The following GUCY1A2 variants were observed in gnomAD, a reference collection of about 807,000 sequenced individuals.
GUCY1A2 encodes the protein guanylate cyclase soluble subunit alpha-2.
A neutral mutation model predicts 63.5 loss-of-function variants in GUCY1A2; 27 were observed. The ratio of observed to expected loss-of-function variants is 0.43; its 90% CI spans 0.31 to 0.59. The LOEUF is 0.59. Ranked by LOEUF, GUCY1A2 falls within the 20% of genes least tolerant of loss-of-function variation. The probability of loss-of-function intolerance (pLI) is 0.11; values close to 1 mark genes in which losing one functional copy is unlikely to be tolerated. For missense variants in GUCY1A2, 768 were observed against 913.3 expected, an observed-to-expected ratio of 0.84 and a Z score of 2.05; for synonymous variants, 364 against 343.5, an observed-to-expected ratio of 1.06 and a Z score of -0.66.
intron 7 of GUCY1A2, among the ~76,000 whole-genome samples, chr11:106,689,907 A>G (rs575211636): frequency 9.2e-5 from 14 of 151,994 alleles, no homozygotes; most frequent in Non-Finnish European, 1.9e-4. Context: ...AGGCAGGAGA[A>G]TCACTTGAAC....
chr11:106,986,129 A>C lies in GUCY1A2; in HGVS notation c.306T>G (p.Pro102=). 1 of 1,412,214 alleles carries C rather than the reference A, an allele frequency of 7.1e-7. No individual in the cohort carries two copies. The highest frequency in any genetic ancestry group is 1.0e-6 in the Non-Finnish European group (1 of 995,970). 87.5% of individuals were successfully genotyped at this position (1,412,214 alleles called of 1,614,324 possible). Residue 102 remains proline (P), a splice_region_variant and synonymous_variant, in exon 2 of 8, where the codon CCT becomes CCG. Transcript: ENST00000526355. ...ESISRLTAPS[P]QTIQQTLKRT... The stretch of plus-strand genomic sequence containing the variant: ...TCTTGAGAGTCTGCTGTATCGTCTG[A>C]GGCTACAGAATAATAATAATAATAA...
At chr11:106,793,359 A>G (rs1864696533) in intron 5 of GUCY1A2, among the ~76,000 whole-genome samples, 1 of 152,156 alleles carries the variant, frequency 6.6e-6, no homozygotes, top group Non-Finnish European at 1.5e-5. Flanking sequence ...TCAAAATGGA[A>G]TAAAGACACA....
In GUCY1A2 at chr11:106,715,348, CAA is replaced by C. The variant is rs1300140286; in HGVS notation, c.1837-6684_1837-6683del. Among the ~76,000 whole-genome samples, 4 of 152,090 alleles carry C rather than the reference CAA, an allele frequency of 2.6e-5. No homozygotes were observed. The East Asian group carries it at 7.7e-4, about 29-fold the overall frequency. ...CCTTTAGTCCAGCTCCCTCATTTTA[CAA>C]ATAGACTGAAGCTCAAAAGAGCACA... On this transcript the variant is annotated intron_variant, in intron 6 of 7. Coordinates refer to ENST00000526355, the MANE Select transcript of GUCY1A2 (RefSeq NM_000855.3).
At chr11:106,830,892 T>G (rs747548735) in intron 4 of GUCY1A2, among the ~76,000 whole-genome samples, 2 of 152,176 alleles carry the variant, frequency 1.3e-5, no homozygotes, top group Non-Finnish European at 1.5e-5. Context: ...ATTATTATTG[T>G]TGTTATTAAG....
At chr11:106,789,071 C>T (rs1864614493) in intron 5 of GUCY1A2, among the ~76,000 whole-genome samples, 1 of 152,102 alleles carries the variant, frequency 6.6e-6, no homozygotes, top group Non-Finnish European at 1.5e-5. Context: ...TTCTTCAAAA[C>T]ATGAAATATA....
At chr11:106,940,307 A>G (rs1860736236) in intron 3 of GUCY1A2, 129 bp from the exon 4 acceptor site, 1 of 555,318 alleles carries the variant, frequency 1.8e-6, no homozygotes, top group Non-Finnish European at 3.2e-6. Context: ...TAGATCCACA[A>G]ATTTCCACAT....
intron 1 of GUCY1A2, among the ~76,000 whole-genome samples, chr11:107,008,278 CAAAAAAAAA>C (rs60060457): frequency 8.4e-5 from 8 of 95,456 alleles, no homozygotes; most frequent in Admixed American, 1.2e-4. Context: ...GACTCCATCT[CAAAAAAAAA>C]AAAAAAAAAA....
At chr11:106,953,956 C>A (rs1481956910) in intron 3 of GUCY1A2, among the ~76,000 whole-genome samples, 2 of 151,954 alleles carry the variant, frequency 1.3e-5, no homozygotes, top group Non-Finnish European at 1.5e-5. Context: ...TTAATTTTTT[C>A]AAAAAATCAG....
chr11:107,000,318 T>C (rs1247057210), intron 1 of GUCY1A2, among the ~76,000 whole-genome samples: 1 of 152,206 alleles, frequency 6.6e-6, no homozygotes, highest in African/African-American at 2.4e-5. Context: ...CTTCTCCAAC[T>C]TCCACACTAG....
intron 4 of GUCY1A2, among the ~76,000 whole-genome samples, chr11:106,928,647 G>C (rs1043346018): frequency 6.6e-6 from 1 of 151,960 alleles, no homozygotes; most frequent in Non-Finnish European, 1.5e-5. Flanking sequence ...TGAACAACAG[G>C]GTATACTTAC....
intron 5 of GUCY1A2, among the ~76,000 whole-genome samples, chr11:106,794,531 T>C (rs1482776436): frequency 1.3e-5 from 2 of 151,894 alleles, no homozygotes; most frequent in Non-Finnish European, 2.9e-5. Context: ...AACACAAAGG[T>C]AATTATGTCT....
At chr11:106,836,753 C>CA (rs1859122499) in intron 4 of GUCY1A2, among the ~76,000 whole-genome samples, 1 of 151,916 alleles carries the variant, frequency 6.6e-6, no homozygotes, top group Non-Finnish European at 1.5e-5. Flanking sequence ...AATAGGACTT[C>CA]AACAGCAACA....
intron 6 of GUCY1A2, among the ~76,000 whole-genome samples, chr11:106,748,681 T>C (rs2135383710): frequency 6.6e-6 from 1 of 152,358 alleles, no homozygotes; most frequent in South Asian, 2.1e-4. Flanking sequence ...TGACCTTTAT[T>C]TCTAAACATC....
In GUCY1A2 at chr11:106,725,655, ATG is replaced by A. The variant is rs200522132; in HGVS notation, c.1837-16991_1837-16990del. Among the ~76,000 whole-genome samples the A allele has an allele frequency of 4.5e-3, 678 of 152,304 alleles. 6 individuals carry two copies. Among genetic ancestry groups the A allele is most frequent in the African/African-American group, 0.016 (649 of 41,576 alleles). On this transcript the variant is annotated intron_variant, in intron 6 of 7. Transcript: ENST00000526355. Reference sequence around the variant, plus strand: ...GTATAGTATATGGTAATATTTTAATATGTAATTACTTTTTATCACAATATTAA... The same window carrying A: ...GTATAGTATATGGTAATATTTTAATATAATTACTTTTTATCACAATATTAA...
At chr11:106,709,173 CTA>C (rs1565264464) in intron 6 of GUCY1A2, among the ~76,000 whole-genome samples, 1 of 117,334 alleles carries the variant, frequency 8.5e-6, no homozygotes, top group Admixed American at 1.0e-4. Flanking sequence ...ATATATATAA[CTA>C]TATATTATAT....
intron 5 of GUCY1A2, among the ~76,000 whole-genome samples, chr11:106,795,678 A>G (rs1864745410): frequency 6.6e-6 from 1 of 152,128 alleles, no homozygotes; most frequent in South Asian, 2.1e-4. Context: ...ATGCATCAAA[A>G]CTTATTTATA....
At chr11:106,919,354 C>T (rs1041290107) in intron 4 of GUCY1A2, among the ~76,000 whole-genome samples, 18 of 151,916 alleles carry the variant, frequency 1.2e-4, no homozygotes, top group Non-Finnish European at 2.1e-4. Context: ...CTGACATTTG[C>T]TAAAAGAGTA....
chr11:106,756,463 G>A (rs185848680), intron 6 of GUCY1A2, among the ~76,000 whole-genome samples: 8 of 152,192 alleles, frequency 5.3e-5, no homozygotes, highest in Admixed American at 2.0e-4. Context: ...TACAATTGGC[G>A]TGTTTTTGCA....
chr11:106,701,927 A>C (rs1173291708), intron 7 of GUCY1A2, among the ~76,000 whole-genome samples: 2 of 152,116 alleles, frequency 1.3e-5, no homozygotes, highest in Non-Finnish European at 2.9e-5. Context: ...TAAAAAATTT[A>C]AAAAGTAATT....
Sources: gnomAD v4.1 joint callset for allele counts (sites outside exome capture counted in the v4.1 genomes callset) on GRCh38, gnomAD v4.1.1 for gene constraint, MANE v1.5 for transcripts, NCBI Gene and HGNC (gene_info 2026-07-23, HGNC 2026-07-21) for gene names.